The following STPG2 variants were observed in gnomAD, a reference collection of about 807,000 sequenced individuals.
The protein encoded by STPG2 is sperm tail PG-rich repeat containing 2, also known as sperm-tail PG-rich repeat-containing protein 2.
In STPG2, 56 loss-of-function variants were observed where a neutral mutation model predicts 54.2. The observed-to-expected ratio is 1.03, with a 90% confidence interval of 0.83 to 1.29. The LOEUF (loss-of-function observed/expected upper bound fraction) is 1.29, where lower values mean the gene tolerates loss of function less well. Ranked by LOEUF, STPG2 falls within the 50% of genes most tolerant of loss-of-function variation. The pLI is 0.00. For missense variants in STPG2, 596 were observed against 544.9 expected, an observed-to-expected ratio of 1.09 and a Z score of -0.93; for synonymous variants, 200 against 181.8, an observed-to-expected ratio of 1.10 and a Z score of -0.81.
intron 9 of STPG2, among the ~76,000 whole-genome samples, chr4:97,716,754 G>A (rs1724302621): frequency 6.6e-6 from 1 of 151,768 alleles, no homozygotes; most frequent in South Asian, 2.1e-4. Context: ...AATACCTAAT[G>A]TAGGTGATGG....
At chr4:97,468,995 A>G (rs533556152) in intron 4 of STPG2, among the ~76,000 whole-genome samples, 109 of 152,226 alleles carry the variant, frequency 7.2e-4, no homozygotes, top group African/African-American at 2.6e-3. Flanking sequence ...ACATACAACC[A>G]AAGTTTACTG....
At chr4:97,759,802 A>G (rs1398420584) in intron 9 of STPG2, among the ~76,000 whole-genome samples, 1 of 152,158 alleles carries the variant, frequency 6.6e-6, no homozygotes, top group Non-Finnish European at 1.5e-5. Context: ...TTCTACCTAT[A>G]ATAAGCCAGA....
intron 10 of STPG2, among the ~76,000 whole-genome samples, chr4:97,665,354 A>G (rs1398969295): frequency 6.6e-6 from 1 of 152,220 alleles, no homozygotes; most frequent in Non-Finnish European, 1.5e-5. Flanking sequence ...TTTATTGAGC[A>G]ATAGAACAGC....
chr4:98,109,388 T>A, intron 3 of STPG2, 83 bp from the exon 4 acceptor site: 1 of 1,029,726 alleles, frequency 9.7e-7, no homozygotes, highest in Non-Finnish European at 1.4e-6. Flanking sequence ...TACCTAAGTC[T>A]AAATCTAAAG....
chr4:97,465,792 T>C (rs895183280), intron 4 of STPG2, among the ~76,000 whole-genome samples: 1 of 152,150 alleles, frequency 6.6e-6, no homozygotes, highest in African/African-American at 2.4e-5. Context: ...TTTTTGCTGT[T>C]GAATTGTACT....
At chr4:97,499,894 A>C (rs1295777627) in intron 4 of STPG2, among the ~76,000 whole-genome samples, 1 of 151,980 alleles carries the variant, frequency 6.6e-6, no homozygotes, top group East Asian at 1.9e-4. Flanking sequence ...AGATGGGATA[A>C]AAGAGTAATT....
chr4:98,015,649 C>T (rs1578782175), intron 5 of STPG2, among the ~76,000 whole-genome samples: 2 of 152,252 alleles, frequency 1.3e-5, no homozygotes, highest in African/African-American at 4.8e-5. Context: ...GACAGTGTGG[C>T]AATTCCTCAA....
At chr4:97,921,510 A>T (rs1325671787) in intron 8 of STPG2, among the ~76,000 whole-genome samples, 1 of 152,040 alleles carries the variant, frequency 6.6e-6, no homozygotes, top group Admixed American at 6.6e-5. Flanking sequence ...AAAACTGAAA[A>T]ATTCCACAGA....
intron 10 of STPG2, among the ~76,000 whole-genome samples, chr4:97,643,589 T>A (rs1721823695): frequency 6.6e-6 from 1 of 151,774 alleles, no homozygotes; most frequent in South Asian, 2.1e-4. Context: ...AAGGGCTTAT[T>A]TGCAACAACA....
intron 2 of STPG2, among the ~76,000 whole-genome samples, chr4:98,133,312 C>T (rs1030534329): frequency 1.3e-5 from 2 of 152,112 alleles, no homozygotes; most frequent in Admixed American, 1.3e-4. Context: ...ATAACAGTGG[C>T]TGGCATTTGA....
intron 8 of STPG2, among the ~76,000 whole-genome samples, chr4:97,903,977 C>T (rs188348697): frequency 2.0e-3 from 299 of 152,334 alleles, no homozygotes; most frequent in African/African-American, 7.1e-3. Flanking sequence ...TGATTGCTAG[C>T]ACAGCAGTCT....
At chr4:97,553,820 G>C (rs1453400575) in intron 4 of STPG2, among the ~76,000 whole-genome samples, 2 of 152,138 alleles carry the variant, frequency 1.3e-5, no homozygotes, top group Non-Finnish European at 2.9e-5. Context: ...CTTTGGATTA[G>C]TCTATTCAAC....
intron 5 of STPG2, among the ~76,000 whole-genome samples, chr4:97,982,071 A>T (rs1734700953): frequency 6.6e-6 from 1 of 151,770 alleles, no homozygotes; most frequent in African/African-American, 2.4e-5. Context: ...TTTTTAGTAG[A>T]AACGGGGTTT....
chr4:98,123,090 C>A (rs1320462968), intron 3 of STPG2, among the ~76,000 whole-genome samples: 2 of 151,844 alleles, frequency 1.3e-5, no homozygotes, highest in Non-Finnish European at 2.9e-5. Flanking sequence ...TCTCTCTTTT[C>A]TTCTTTGTTA....
intron 8 of STPG2, among the ~76,000 whole-genome samples, chr4:97,906,076 A>C (rs1406861641): frequency 6.6e-6 from 1 of 152,218 alleles, no homozygotes; most frequent in African/African-American, 2.4e-5. Context: ...TGAATCCAGC[A>C]GCTGGTTTTT....
intron 10 of STPG2, among the ~76,000 whole-genome samples, chr4:97,593,565 C>T (rs1009839961): frequency 2.0e-5 from 3 of 152,180 alleles, no homozygotes; most frequent in East Asian, 1.9e-4. Context: ...AGCAGCCCAA[C>T]GCCTGTCAGC....
At chr4:97,453,690 A>G (rs1205618535) in intron 4 of STPG2, among the ~76,000 whole-genome samples, 1 of 152,198 alleles carries the variant, frequency 6.6e-6, no homozygotes, top group East Asian at 1.9e-4. Context: ...TGACTTCAGG[A>G]AGTTGAAAGT....
At chr4:97,476,551 A>G (rs1730076728) in intron 4 of STPG2, among the ~76,000 whole-genome samples, 1 of 152,194 alleles carries the variant, frequency 6.6e-6, no homozygotes, top group Admixed American at 6.5e-5. Context: ...ACAGAATTGA[A>G]TGATAGTGAT....
intron 10 of STPG2, among the ~76,000 whole-genome samples, chr4:97,620,960 T>C (rs150977887): frequency 4.9e-4 from 74 of 152,168 alleles, no homozygotes; most frequent in African/African-American, 1.6e-3. Context: ...GTAATAAAAA[T>C]GGAAATCAAT....
Sources: gnomAD v4.1 joint callset for allele counts (sites outside exome capture counted in the v4.1 genomes callset) on GRCh38, gnomAD v4.1.1 for gene constraint, MANE v1.5 for transcripts, NCBI Gene and HGNC (gene_info 2026-07-23, HGNC 2026-07-21) for gene names.